Variants in ATP2A2 observed in about 807,000 individuals in gnomAD.
The protein encoded by ATP2A2 is ATPase sarcoplasmic/endoplasmic reticulum Ca2+ transporting 2.
A neutral mutation model predicts 109.3 loss-of-function variants in ATP2A2; 14 were observed. That is an observed-to-expected ratio of 0.13 (90% CI 0.08 to 0.20). The LOEUF is 0.20. ATP2A2 is among the 10% of genes least tolerant of loss of function. The pLI is 1.00. For missense variants in ATP2A2, 657 were observed against 1,321.6 expected (o/e 0.50, Z 7.80); for synonymous variants, 506 against 490.9 (o/e 1.03, Z -0.41).
At chr12:110,296,792 C>T (rs1566206151) in intron 5 of ATP2A2, 55 bp downstream of exon 5, 1 of 1,578,054 alleles carries the variant, frequency 6.3e-7, no homozygotes, top group Non-Finnish European at 8.7e-7. Context: ...TGAATGTAGT[C>T]CTTTTCTCAA....
chr12:110,287,700 C>T (rs1383056728), intron 3 of ATP2A2, among the ~76,000 whole-genome samples: 1 of 151,688 alleles, frequency 6.6e-6, no homozygotes, highest in Non-Finnish European at 1.5e-5. Context: ...CTGCAACCTC[C>T]ACCTCCCAGC....
chr12:110,298,008 C>G (rs1874152732), intron 5 of ATP2A2, among the ~76,000 whole-genome samples: 1 of 152,120 alleles, frequency 6.6e-6, no homozygotes, highest in Non-Finnish European at 1.5e-5. Context: ...TCATTGCATA[C>G]TGTTATTCAG....
chr12:110,347,760 C>T lies in ATP2A2; in HGVS notation c.*1290C>T, dbSNP rs1038862900. 7.5e-6 allele frequency: 8 copies of T among 1,064,954 alleles called. No individual in the cohort carries two copies. Among genetic ancestry groups the T allele is most frequent in the South Asian group, 2.8e-5 (1 of 35,154 alleles). 66.0% of individuals were successfully genotyped at this position (1,064,954 alleles called of 1,614,324 possible). ...TTAACAGTCCTAACTGTGGTGTTTT[C>T]CTCCAATGCCTTCCAACATCCATCA... On this transcript the variant is annotated 3_prime_UTR_variant, in exon 20 of 20. Transcript: ENST00000539276.
intron 8 of ATP2A2, 124 bp downstream of exon 8, chr12:110,328,141 T>A: frequency 1.1e-6 from 1 of 950,204 alleles, no homozygotes; most frequent in Non-Finnish European, 1.6e-6. Context: ...ATGTATAGCC[T>A]GAGCTTAATT....
rs1194974046 is a variant in ATP2A2 at position 110,350,690 on chromosome 12, C to A, written c.*4220C>A. On this transcript the variant is annotated 3_prime_UTR_variant, in exon 20 of 20. Transcript: ENST00000539276. Reference sequence around the variant, plus strand: ...AGTATTCAATTGTAATGCATGCCTTCGGTTGTAAGTAGCCAGATCCCTCTC... The same window carrying A: ...AGTATTCAATTGTAATGCATGCCTTAGGTTGTAAGTAGCCAGATCCCTCTC... The A allele has an allele frequency of 3.7e-6, 1 of 270,816 alleles. No individual in the cohort carries two copies. The highest frequency in any genetic ancestry group is 7.1e-6 in the Non-Finnish European group (1 of 140,634). The allele number at this position is 270,816 out of a possible 1,614,324, so 16.8% of individuals were successfully genotyped here.
rs1879228909 is a variant in ATP2A2, at chr12:110,340,347, T to C, written c.1762-312T>C. ...TGGGGTTGGGGGTTTGAGACCAGCC[T>C]GACCAACATGGAGAAACCACATCTC... is the stretch of plus-strand genomic sequence containing the variant. On this transcript the variant is annotated intron_variant, in intron 13 of 19. Coordinates refer to ENST00000539276, the MANE Select transcript of ATP2A2 (RefSeq NM_170665.4). This position sits in a 1 kb window ranked among gnomAD's most constrained non-coding sequence, Gnocchi z 6.0. Among the ~76,000 whole-genome samples, 1 of 152,116 alleles carries C rather than the reference T, an allele frequency of 6.6e-6. No homozygotes were observed. Among genetic ancestry groups the C allele is most frequent in the Non-Finnish European group, 1.5e-5 (1 of 68,016 alleles).
chr12:110,298,336 T>A (rs1874186711), intron 5 of ATP2A2, among the ~76,000 whole-genome samples: 1 of 152,140 alleles, frequency 6.6e-6, no homozygotes, highest in Non-Finnish European at 1.5e-5. Flanking sequence ...GTGTAAATGG[T>A]GTGTGTAAAT....
At chr12:110,310,318 G>A (rs907373158) in intron 5 of ATP2A2, among the ~76,000 whole-genome samples, 2 of 149,360 alleles carry the variant, frequency 1.3e-5, no homozygotes, top group African/African-American at 4.9e-5. Context: ...TTGAGACAAG[G>A]TCTCCCTGTA....
At chr12:110,322,091 C>T (rs547979386) in intron 5 of ATP2A2, among the ~76,000 whole-genome samples, 46 of 151,278 alleles carry the variant, frequency 3.0e-4, no homozygotes, top group South Asian at 6.3e-4. Flanking sequence ...CCCGGGTTCA[C>T]GCCATTCTCC....
chr12:110,283,214 C>G, intron 3 of ATP2A2, among the ~76,000 whole-genome samples: 1 of 152,190 alleles, frequency 6.6e-6, no homozygotes, highest in East Asian at 1.9e-4. Flanking sequence ...GTTGCTTTCC[C>G]TTCCTGGTAA....
chr12:110,331,865 G>A (rs1235671403), intron 8 of ATP2A2: 1 of 152,130 alleles, frequency 6.6e-6, no homozygotes, highest in Non-Finnish European at 1.5e-5. Context: ...TATAATTTGT[G>A]AATGCAAATC....
In ATP2A2 at chr12:110,327,846, T is replaced by C; in HGVS notation, c.924T>C (p.Pro308=). ...TGGCCCTGGCTGTAGCAGCCATTCC[T>C]GAAGGTCTGCCTGCAGTCATCACCA... ...IAVALAVAAI[P]EGLPAVITTC... Residue 308 remains proline, a synonymous_variant, in exon 8 of 20, where the codon CCT becomes CCC. Transcript: ENST00000539276. This position sits in a 1 kb window ranked among gnomAD's most constrained non-coding sequence, Gnocchi z 4.4. The C allele has an allele frequency of 6.2e-7, 1 of 1,614,204 alleles. No individual in the cohort carries two copies. Among genetic ancestry groups the C allele is most frequent in the South Asian group, 1.1e-5 (1 of 91,092 alleles).
intron 5 of ATP2A2, among the ~76,000 whole-genome samples, chr12:110,315,350 A>C (rs999069591): frequency 6.6e-6 from 1 of 152,220 alleles, no homozygotes; most frequent in Non-Finnish European, 1.5e-5. Context: ...TTCTACCCCC[A>C]TAACTCTAGT....
At chr12:110,317,851 G>A (rs913621214) in intron 5 of ATP2A2, among the ~76,000 whole-genome samples, 1 of 152,144 alleles carries the variant, frequency 6.6e-6, no homozygotes, top group African/African-American at 2.4e-5. Flanking sequence ...ATTTTGTTCT[G>A]ATTGGAAATC....
intron 3 of ATP2A2, among the ~76,000 whole-genome samples, chr12:110,286,314 T>TA (rs1317597129): frequency 2.4e-4 from 36 of 152,214 alleles, no homozygotes; most frequent in African/African-American, 8.4e-4. Context: ...CTGTAGTTTC[T>TA]CAGAAGAGAA....
At chr12:110,301,982 C>T (rs1375670588) in intron 5 of ATP2A2, among the ~76,000 whole-genome samples, 1 of 152,168 alleles carries the variant, frequency 6.6e-6, no homozygotes, top group Non-Finnish European at 1.5e-5. Flanking sequence ...CTCGCTTTCT[C>T]ACACTGAAAT....
At chr12:110,309,140 A>T (rs1456347742) in intron 5 of ATP2A2, among the ~76,000 whole-genome samples, 4 of 48,890 alleles carry the variant, frequency 8.2e-5, no homozygotes, top group Non-Finnish European at 1.4e-4. Flanking sequence ...AAGGAAACTA[A>T]TTTTTTTTTT....
At chr12:110,293,874 T>A (rs947431813) in intron 4 of ATP2A2, among the ~76,000 whole-genome samples, 3,080 of 111,470 alleles carry the variant, frequency 0.028, 119 homozygotes, top group African/African-American at 0.094. Flanking sequence ...GTATATATTT[T>A]TTTTTTTTTT....
intron 5 of ATP2A2, among the ~76,000 whole-genome samples, chr12:110,318,188 ATTG>A (rs1467399328): frequency 1.3e-5 from 2 of 152,200 alleles, no homozygotes; most frequent in Non-Finnish European, 2.9e-5. Context: ...ACAAAGGGAA[ATTG>A]TTGTGTCTTC....
Sources: gnomAD v4.1 joint callset for allele counts (sites outside exome capture counted in the v4.1 genomes callset) on GRCh38, gnomAD v4.1.1 for gene constraint, Gnocchi (gnomAD v3.1) non-coding constraint, MANE v1.5 for transcripts, NCBI Gene and HGNC (gene_info 2026-07-23, HGNC 2026-07-21) for gene names.